Variants in TSGA10 observed in about 807,000 individuals in gnomAD.
The protein encoded by TSGA10 is testis-specific gene 10 protein.
In TSGA10, 43 loss-of-function variants were observed where a neutral mutation model predicts 96.6. That is an observed-to-expected ratio of 0.44 (90% CI 0.35 to 0.57). The LOEUF is 0.57. Among genes scored for constraint, TSGA10 ranks in the 20% least tolerant of loss-of-function variants. The pLI, the probability that TSGA10 is intolerant of heterozygous loss-of-function variation, is 0.01. For missense variants in TSGA10, 703 were observed against 834.4 expected (o/e 0.84, Z 1.94); for synonymous variants, 229 against 269.9 (o/e 0.85, Z 1.48).
chr2:99,112,714 G>A, intron 4 of TSGA10, among the ~76,000 whole-genome samples: 1 of 151,648 alleles, frequency 6.6e-6, no homozygotes, highest in Non-Finnish European at 1.5e-5. Context: ...GGAGCACAGT[G>A]AGGGAAGGGG....
At chr2:99,104,905 C>T (rs572852675) in intron 9 of TSGA10, among the ~76,000 whole-genome samples, 5 of 152,154 alleles carry the variant, frequency 3.3e-5, no homozygotes, top group East Asian at 3.9e-4. Flanking sequence ...AATATATATT[C>T]GTAGCAATAT....
At chr2:99,125,323 T>A (rs1302237902) in intron 2 of TSGA10, 1 of 152,358 alleles carries the variant, frequency 6.6e-6, no homozygotes, top group Non-Finnish European at 1.5e-5. Flanking sequence ...ATAATAATGC[T>A]GCTATAAACA....
intron 16 of TSGA10, among the ~76,000 whole-genome samples, chr2:99,050,384 T>G (rs1360045720): frequency 6.6e-6 from 1 of 152,210 alleles, no homozygotes; most frequent in Non-Finnish European, 1.5e-5. Flanking sequence ...TTTCAGATTT[T>G]CATATGTATT....
intron 2 of TSGA10, among the ~76,000 whole-genome samples, chr2:99,122,246 T>C (rs1401158656): frequency 1.3e-5 from 2 of 152,164 alleles, no homozygotes; most frequent in Non-Finnish European, 2.9e-5. Flanking sequence ...AATTCTACGT[T>C]GATTTATTTA....
Position 99,154,855 on chromosome 2 carries a change from G to A in TSGA10, c.-783C>T, listed in dbSNP as rs2093732568. 2.9e-6 allele frequency: 1 copy of A among 350,444 alleles called. No individual in the cohort carries two copies. Among genetic ancestry groups the A allele is most frequent in the Admixed American group, 3.9e-5 (1 of 25,956 alleles). The allele number at this position is 350,444 out of a possible 1,614,324, so 21.7% of individuals were successfully genotyped here. A position where few individuals can be genotyped will look rare whatever the true frequency, so the allele number is the denominator to read the frequency against. On this transcript the variant is annotated 5_prime_UTR_variant, in exon 1 of 21. Transcript: ENST00000393483. ...CCCTTACTTAGCACTCCTGCGGGCT[G>A]CCGGGACCCCACGGCTCCGCAGGCG...
chr2:99,004,889 C>A (rs1339379807), intron 20 of TSGA10, among the ~76,000 whole-genome samples: 2 of 152,148 alleles, frequency 1.3e-5, no homozygotes, highest in African/African-American at 4.8e-5. Context: ...TGCAAAACTC[C>A]TCAATAAAAT....
intron 10 of TSGA10, among the ~76,000 whole-genome samples, chr2:99,090,776 T>C (rs1307796538): frequency 2.0e-5 from 3 of 152,312 alleles, no homozygotes. Flanking sequence ...TTTTGGATTA[T>C]GTTAAACAAC....
chr2:99,081,510 T>C, intron 10 of TSGA10, 113 bp from the exon 11 acceptor site: 1 of 431,132 alleles, frequency 2.3e-6, no homozygotes, highest in South Asian at 6.5e-5. Context: ...CCTCTTAATA[T>C]TTTTATACAG....
At chr2:99,133,407 C>T (rs569894321) in intron 1 of TSGA10, among the ~76,000 whole-genome samples, 7 of 152,202 alleles carry the variant, frequency 4.6e-5, no homozygotes, top group Non-Finnish European at 1.0e-4. Flanking sequence ...AGAACTGCAA[C>T]CCCTGCTTTT....
chr2:99,086,255 T>C (rs2088363295), intron 10 of TSGA10, among the ~76,000 whole-genome samples: 1 of 152,168 alleles, frequency 6.6e-6, no homozygotes, highest in Non-Finnish European at 1.5e-5. Context: ...CTCTGACCAC[T>C]ACATGACACC....
intron 20 of TSGA10, among the ~76,000 whole-genome samples, chr2:99,006,526 C>G (rs1443005304): frequency 6.6e-6 from 1 of 152,064 alleles, no homozygotes; most frequent in Non-Finnish European, 1.5e-5. Context: ...TTTATGCAGC[C>G]AAAAGACACA....
chr2:99,134,560 C>T (rs1008277093), intron 1 of TSGA10, among the ~76,000 whole-genome samples: 18 of 152,076 alleles, frequency 1.2e-4, no homozygotes, highest in Admixed American at 9.2e-4. Context: ...TTATTACCCA[C>T]CTTCTGAAGC....
intron 1 of TSGA10, among the ~76,000 whole-genome samples, chr2:99,147,938 T>C (rs1354771373): frequency 1.3e-5 from 2 of 152,242 alleles, no homozygotes; most frequent in Non-Finnish European, 2.9e-5. Flanking sequence ...TCATGGCATT[T>C]ATCACATTGA....
At chr2:99,021,814 C>A (rs527714960) in intron 17 of TSGA10, among the ~76,000 whole-genome samples, 15 of 152,162 alleles carry the variant, frequency 9.9e-5, no homozygotes, top group Non-Finnish European at 1.8e-4. Flanking sequence ...CTAGTCTATT[C>A]TAGTCTATCG....
At chr2:99,054,129 A>G (rs146615291) in intron 16 of TSGA10, among the ~76,000 whole-genome samples, 1,634 of 152,294 alleles carry the variant, frequency 0.011, 8 homozygotes, top group Middle Eastern at 0.027. Context: ...TCAAAATACT[A>G]CAAAACAACA....
intron 4 of TSGA10, among the ~76,000 whole-genome samples, chr2:99,114,236 C>T (rs932708637): frequency 3.9e-5 from 6 of 152,120 alleles, no homozygotes; most frequent in Non-Finnish European, 7.4e-5. Context: ...GTTTCAAGTG[C>T]CACCCCACAA....
intron 2 of TSGA10, among the ~76,000 whole-genome samples, chr2:99,124,593 A>T (rs553942668): frequency 1.3e-5 from 2 of 151,970 alleles, no homozygotes; most frequent in East Asian, 3.9e-4. Context: ...TTATATATAT[A>T]TATTTTTTTG....
intron 16 of TSGA10, among the ~76,000 whole-genome samples, chr2:99,056,533 A>G (rs1035453153): frequency 6.6e-6 from 1 of 152,202 alleles, no homozygotes; most frequent in Non-Finnish European, 1.5e-5. Flanking sequence ...GTATAGATCT[A>G]TAACAACAAA....
chr2:99,063,601 G>A (rs1382797923), intron 16 of TSGA10, among the ~76,000 whole-genome samples: 4 of 152,024 alleles, frequency 2.6e-5, no homozygotes, highest in African/African-American at 4.8e-5. Context: ...TCAAGAGATC[G>A]AGAACAGCCT....
Sources: allele counts gnomAD v4.1 joint callset (sites outside exome capture counted in the v4.1 genomes callset), GRCh38; gene constraint gnomAD v4.1.1; transcripts MANE v1.5; gene names NCBI Gene and HGNC (gene_info 2026-07-23, HGNC 2026-07-21).